Variants in SDK1 observed in about 807,000 individuals in gnomAD.
SDK1 encodes protein sidekick-1.
Under a neutral mutation model 245.5 loss-of-function variants are expected in SDK1, and 157 were observed. That is an observed-to-expected ratio of 0.64 (90% CI 0.56 to 0.73). SDK1 has a LOEUF of 0.73. Among genes scored for constraint, SDK1 ranks in the 30% least tolerant of loss-of-function variants. The pLI is 0.00. For missense variants in SDK1, 3,583 were observed against 3,002.3 expected (o/e 1.19, Z -4.52); for synonymous variants, 1,647 against 1,278.5 (o/e 1.29, Z -6.15).
chr7:4,160,461 C>G (rs1250857789), intron 31 of SDK1, among the ~76,000 whole-genome samples: 1 of 152,188 alleles, frequency 6.6e-6, no homozygotes, highest in Non-Finnish European at 1.5e-5. Flanking sequence ...CCTATCTTGT[C>G]ATCGCCTTCC....
chr7:3,407,334 C>G (rs555312933), intron 1 of SDK1, among the ~76,000 whole-genome samples: 1 of 152,192 alleles, frequency 6.6e-6, no homozygotes, highest in African/African-American at 2.4e-5. Flanking sequence ...AGAGCTTTCA[C>G]AAGGTCTCTT....
chr7:3,711,060 A>G (rs1029837283), intron 4 of SDK1, among the ~76,000 whole-genome samples: 10 of 152,206 alleles, frequency 6.6e-5, no homozygotes, highest in Admixed American at 6.5e-4. Flanking sequence ...GTATAATTTG[A>G]TGGCAACTTA....
Position 4,221,291 on chromosome 7 carries a change from G to T in SDK1, c.5754G>T (p.Leu1918=). Residue 1918 remains leucine (L), a synonymous_variant, in exon 40 of 45, where the codon CTG becomes CTT. Transcript: ENST00000404826. ...TGGTCACCAAGTCCGCCTCTGAACT[G>T]ACGCTGCAGTGGACTGAGGGACACT... is the stretch of plus-strand genomic sequence containing the variant. ...DVLVTKSASE[L]TLQWTEGHSG... The T allele has an allele frequency of 6.2e-7, 1 of 1,613,878 alleles. No individual in the cohort carries two copies. The highest frequency in any genetic ancestry group is 8.5e-7 in the Non-Finnish European group (1 of 1,180,002).
intron 1 of SDK1, among the ~76,000 whole-genome samples, chr7:3,447,842 T>A (rs906658919): frequency 4.6e-5 from 7 of 151,742 alleles, no homozygotes; most frequent in Non-Finnish European, 1.0e-4. Flanking sequence ...GTAGCTGGGA[T>A]TATAAGCATG....
chr7:4,131,571 C>T (rs565234513), intron 27 of SDK1, among the ~76,000 whole-genome samples: 1 of 152,300 alleles, frequency 6.6e-6, no homozygotes, highest in East Asian at 1.9e-4. Flanking sequence ...ATGCCCATTG[C>T]CTCTTACCTG....
At chr7:3,851,345 C>T (rs927795429) in intron 5 of SDK1, among the ~76,000 whole-genome samples, 2 of 151,968 alleles carry the variant, frequency 1.3e-5, no homozygotes, top group Admixed American at 1.3e-4. Flanking sequence ...TTCTTAGAAA[C>T]TAATATTTAA....
chr7:3,371,062 G>A (rs1162701810), intron 1 of SDK1, among the ~76,000 whole-genome samples: 1 of 152,090 alleles, frequency 6.6e-6, no homozygotes, highest in Non-Finnish European at 1.5e-5. Context: ...CCCGTGTTTC[G>A]TGTACAACAT....
intron 2 of SDK1, among the ~76,000 whole-genome samples, chr7:3,628,496 T>C (rs934385534): frequency 6.6e-6 from 1 of 152,166 alleles, no homozygotes; most frequent in African/African-American, 2.4e-5. Flanking sequence ...CAGGACCTTA[T>C]GGATGCATGT....
At chr7:3,622,749 A>G (rs910232044) in intron 2 of SDK1, among the ~76,000 whole-genome samples, 5 of 152,174 alleles carry the variant, frequency 3.3e-5, no homozygotes, top group Admixed American at 1.3e-4. Context: ...AAAATAAGCT[A>G]TGTGCTTCAC....
intron 5 of SDK1, 59 bp from the exon 6 acceptor site, chr7:3,950,864 C>T (rs1343494372): frequency 2.0e-5 from 26 of 1,311,694 alleles, no homozygotes; most frequent in South Asian, 5.5e-5. Context: ...CCTCAGATAA[C>T]GGCGGGGGGT....
chr7:3,334,198 C>T (rs1471669814), intron 1 of SDK1, among the ~76,000 whole-genome samples: 1 of 152,128 alleles, frequency 6.6e-6, no homozygotes, highest in African/African-American at 2.4e-5. Context: ...TGAAGTGAGT[C>T]AATCTGCAGT....
rs147006327 is a variant in SDK1 at position 3,627,755 on chromosome 7, G to A, written c.458+8516G>A. Among the ~76,000 whole-genome samples the A allele has an allele frequency of 2.0e-4, 31 of 152,302 alleles. No homozygotes were observed. The East Asian group carries it at 6.0e-3, about 29-fold the overall frequency. The stretch of plus-strand genomic sequence containing the variant: ...TTATTAGTTGAGAAGAAATCTAAAT[G>A]ACACCCACAGTTGAGTCATCCTCTT... On this transcript the variant is annotated intron_variant, in intron 2 of 44. Transcript: ENST00000404826.
intron 14 of SDK1, among the ~76,000 whole-genome samples, chr7:3,988,534 G>C (rs542649742): frequency 6.6e-6 from 1 of 152,110 alleles, no homozygotes; most frequent in Admixed American, 6.5e-5. Context: ...CTCGCTCCCT[G>C]TGCAGCCTCG....
intron 5 of SDK1, among the ~76,000 whole-genome samples, chr7:3,915,300 A>G (rs1191442481): frequency 6.6e-6 from 1 of 152,144 alleles, no homozygotes; most frequent in African/African-American, 2.4e-5. Context: ...GAGACCCCTG[A>G]AGAGCATGTA....
chr7:3,612,351 C>G (rs1025217356), intron 1 of SDK1, among the ~76,000 whole-genome samples: 6 of 152,106 alleles, frequency 3.9e-5, no homozygotes, highest in Non-Finnish European at 8.8e-5. Flanking sequence ...CTATTTAAAC[C>G]TCACCCCAGA....
intron 12 of SDK1, among the ~76,000 whole-genome samples, chr7:3,972,153 C>T (rs529185450): frequency 1.3e-4 from 20 of 149,996 alleles, no homozygotes; most frequent in African/African-American, 4.9e-4. Context: ...TATCTCAGCT[C>T]ACTGCAAGCT....
chr7:3,379,903 T>G (rs1430363720), intron 1 of SDK1, among the ~76,000 whole-genome samples: 2 of 152,194 alleles, frequency 1.3e-5, no homozygotes, highest in Admixed American at 1.3e-4. Flanking sequence ...CTAGTTGATA[T>G]GAGGCAGATA....
In SDK1 at chr7:3,578,472, G is replaced by C. The variant is rs1344255036; in HGVS notation, c.299-40608G>C. Among the ~76,000 whole-genome samples, 7 of 152,102 alleles carry C rather than the reference G, an allele frequency of 4.6e-5. No individual in the cohort carries two copies. The East Asian group carries it at 7.7e-4, about 17-fold the overall frequency. ...CATCTTAACAGAAAACAGGATTCGA[G>C]AGCAGAAAACCAGTCTGACCTCAAA... On this transcript the variant is annotated intron_variant, in intron 1 of 44. Transcript: ENST00000404826.
At chr7:3,371,523 A>G (rs922924351) in intron 1 of SDK1, among the ~76,000 whole-genome samples, 1 of 152,214 alleles carries the variant, frequency 6.6e-6, no homozygotes, top group Non-Finnish European at 1.5e-5. Flanking sequence ...GACTGAGATG[A>G]AAACAGAAAC....
Sources: allele counts gnomAD v4.1 joint callset (sites outside exome capture counted in the v4.1 genomes callset), GRCh38; gene constraint gnomAD v4.1.1; transcripts MANE v1.5; gene names NCBI Gene and HGNC (gene_info 2026-07-23, HGNC 2026-07-21).